TSHZ2: variants seen among roughly 807,000 people sequenced by gnomAD.
TSHZ2 encodes teashirt homolog 2.
A neutral mutation model predicts 74.4 loss-of-function variants in TSHZ2; 21 were observed. The ratio of observed to expected loss-of-function variants is 0.28; its 90% confidence interval spans 0.20 to 0.41. The LOEUF (loss-of-function observed/expected upper bound fraction) is 0.41, where lower values mean the gene tolerates loss of function less well. Ranked by LOEUF, TSHZ2 falls within the 10% of genes least tolerant of loss-of-function variation. TSHZ2 has a pLI of 1.00. For synonymous variants in TSHZ2, 540 were observed against 515.3 expected (o/e 1.05, Z -0.65); for missense variants, 1,244 against 1,293.5 (o/e 0.96, Z 0.59).
At chr20:53,472,571 C>G (rs1053592780) in intron 2 of TSHZ2, among the ~76,000 whole-genome samples, 2 of 152,184 alleles carry the variant, frequency 1.3e-5, no homozygotes, top group African/African-American at 4.8e-5. Flanking sequence ...CTGGAACTCA[C>G]AGTCACCAGC....
intron 1 of TSHZ2, among the ~76,000 whole-genome samples, chr20:52,997,699 C>A (rs1464073438): frequency 6.6e-6 from 1 of 152,178 alleles, no homozygotes; most frequent in Admixed American, 6.5e-5. Context: ...CCACCTAGAA[C>A]TGGGGTGACA....
chr20:53,091,478 G>T (rs906147916), intron 1 of TSHZ2, among the ~76,000 whole-genome samples: 3 of 152,158 alleles, frequency 2.0e-5, no homozygotes, highest in African/African-American at 7.2e-5. Flanking sequence ...TAAATAATTT[G>T]TAAGATTTAC....
intron 2 of TSHZ2, among the ~76,000 whole-genome samples, chr20:53,437,596 G>C (rs1189389261): frequency 1.3e-5 from 2 of 152,240 alleles, no homozygotes; most frequent in Non-Finnish European, 2.9e-5. Flanking sequence ...GCTAGATCCA[G>C]TGCTTAAGTG....
intron 2 of TSHZ2, among the ~76,000 whole-genome samples, chr20:53,471,802 TC>T (rs67763696): frequency 0.14 from 14,980 of 110,094 alleles, 790 homozygotes; most frequent in East Asian, 0.21. Context: ...ACTTTTCTTT[TC>T]TTTTTTTTTT....
chr20:53,159,652 T>TAA (rs11475461), intron 1 of TSHZ2, among the ~76,000 whole-genome samples: 1 of 146,368 alleles, frequency 6.8e-6, no homozygotes, highest in African/African-American at 2.5e-5. Flanking sequence ...AAACAGGAGT[T>TAA]AAAAAAAAAA....
At chr20:53,483,958 T>G (rs1198715408) in intron 2 of TSHZ2, among the ~76,000 whole-genome samples, 5 of 152,252 alleles carry the variant, frequency 3.3e-5, no homozygotes, top group Admixed American at 6.5e-5. Context: ...GAGGAGAAAA[T>G]GACAGCCTGC....
At chr20:53,400,038 G>C (rs1010567714) in intron 2 of TSHZ2, 1 of 152,892 alleles carries the variant, frequency 6.5e-6, no homozygotes, top group East Asian at 1.9e-4. Flanking sequence ...GGAGTGCTGA[G>C]CACAGTTTGG....
At chr20:53,167,658 T>G (rs965724509) in intron 1 of TSHZ2, among the ~76,000 whole-genome samples, 1 of 152,170 alleles carries the variant, frequency 6.6e-6, no homozygotes, top group Non-Finnish European at 1.5e-5. Flanking sequence ...GATGGCAGTT[T>G]AATTCATAAT....
intron 1 of TSHZ2, among the ~76,000 whole-genome samples, chr20:53,110,564 A>C (rs1986503388): frequency 6.6e-6 from 1 of 151,600 alleles, no homozygotes; most frequent in South Asian, 2.1e-4. Context: ...TTACATAATA[A>C]AAAAAAATGT....
chr20:53,173,082 A>C (rs926082779), intron 1 of TSHZ2, among the ~76,000 whole-genome samples: 3 of 152,252 alleles, frequency 2.0e-5, no homozygotes, highest in Non-Finnish European at 2.9e-5. Context: ...CAGTGCTCCC[A>C]GCACAAGGAA....
At chr20:53,181,744 C>T (rs192382864) in intron 1 of TSHZ2, among the ~76,000 whole-genome samples, 6 of 152,066 alleles carry the variant, frequency 3.9e-5, no homozygotes, top group Middle Eastern at 3.4e-3. Flanking sequence ...AAAAATTAGC[C>T]GGGCGTGGTG....
intron 1 of TSHZ2, among the ~76,000 whole-genome samples, chr20:53,021,547 C>T (rs1368942003): frequency 1.3e-5 from 2 of 152,186 alleles, no homozygotes; most frequent in Non-Finnish European, 2.9e-5. Context: ...TTCTCTGTCT[C>T]ATAATGGAAA....
intron 1 of TSHZ2, among the ~76,000 whole-genome samples, chr20:53,226,159 C>T (rs1261639025): frequency 1.5e-5 from 2 of 134,338 alleles, no homozygotes; most frequent in Admixed American, 7.3e-5. Context: ...CACACACACA[C>T]ATGCACACAA....
At chr20:53,127,508 T>C (rs1005181) in intron 1 of TSHZ2, among the ~76,000 whole-genome samples, 46,179 of 152,122 alleles carry the variant, frequency 0.3, 7,522 homozygotes, top group African/African-American at 0.42. Flanking sequence ...GAGCTTGAGA[T>C]GAGCCTAGGC....
chr20:53,003,237 C>A (rs1217789521), intron 1 of TSHZ2, among the ~76,000 whole-genome samples: 7 of 148,180 alleles, frequency 4.7e-5, no homozygotes, highest in Admixed American at 2.7e-4. Flanking sequence ...CATCAGCCTC[C>A]TGTTTTTCTC....
chr20:53,280,732 G>C (rs548708405), intron 2 of TSHZ2, among the ~76,000 whole-genome samples: 2 of 151,720 alleles, frequency 1.3e-5, no homozygotes, highest in African/African-American at 4.8e-5. Flanking sequence ...TCTAGCTGTC[G>C]TCCAGGCTGG....
At chr20:53,136,280 C>T (rs987766727) in intron 1 of TSHZ2, among the ~76,000 whole-genome samples, 7 of 152,222 alleles carry the variant, frequency 4.6e-5, no homozygotes, top group Admixed American at 3.3e-4. Flanking sequence ...CCTCTCAATA[C>T]TGCCAGGCAG....
chr20:53,215,539 T>C (rs1056732492), intron 1 of TSHZ2, among the ~76,000 whole-genome samples: 1 of 149,452 alleles, frequency 6.7e-6, no homozygotes, highest in Non-Finnish European at 1.5e-5. Context: ...TTTTTGCCTT[T>C]GGGAGGGGAG....
intron 2 of TSHZ2, among the ~76,000 whole-genome samples, chr20:53,445,214 T>C (rs1347085823): frequency 6.6e-6 from 1 of 152,212 alleles, no homozygotes; most frequent in African/African-American, 2.4e-5. Context: ...CATAAACACA[T>C]AAATAAGATA....
Sources: gnomAD v4.1 joint callset for allele counts (sites outside exome capture counted in the v4.1 genomes callset) on GRCh38, gnomAD v4.1.1 for gene constraint, MANE v1.5 for transcripts, NCBI Gene and HGNC (gene_info 2026-07-23, HGNC 2026-07-21) for gene names.